Variants in SLC24A2 observed in about 807,000 individuals in gnomAD.
SLC24A2 encodes sodium/potassium/calcium exchanger 2.
Under a neutral mutation model 62.0 loss-of-function variants are expected in SLC24A2, and 36 were observed. That is an observed-to-expected ratio of 0.58 (90% CI 0.44 to 0.77). SLC24A2 has a LOEUF of 0.77. SLC24A2 is among the 30% of genes least tolerant of loss of function. The pLI is 0.00. For synonymous variants in SLC24A2, 358 were observed against 294.0 expected, an observed-to-expected ratio of 1.22 and a Z score of -2.23; for missense variants, 846 against 817.9, an observed-to-expected ratio of 1.03 and a Z score of -0.42.
chr9:20,068,091 T>G, the SLC24A2 span, among the ~76,000 whole-genome samples: 1 of 132,482 alleles, frequency 7.5e-6, no homozygotes, highest in African/African-American at 3.0e-5. Context: ...GGAGACGGAG[T>G]CTCGCTCTGT....
intron 10 of SLC24A2, among the ~76,000 whole-genome samples, chr9:19,517,622 G>A (rs922549614): frequency 6.6e-6 from 1 of 152,124 alleles, no homozygotes; most frequent in Admixed American, 6.5e-5. Flanking sequence ...CTGCCTTGTG[G>A]GGATCAATAC....
At chr9:19,857,208 G>A in the SLC24A2 span, among the ~76,000 whole-genome samples, 2 of 152,122 alleles carry the variant, frequency 1.3e-5, no homozygotes, top group Non-Finnish European at 2.9e-5. Flanking sequence ...TCCTTGGTTT[G>A]TGTCCACTTC....
chr9:19,721,749 C>T (rs1195863771), intron 2 of SLC24A2, among the ~76,000 whole-genome samples: 5 of 152,152 alleles, frequency 3.3e-5, no homozygotes, highest in Admixed American at 6.5e-5. Flanking sequence ...CATTCCAACA[C>T]ATAACAGCCT....
intron 7 of SLC24A2, among the ~76,000 whole-genome samples, chr9:19,570,504 G>A (rs921490963): frequency 2.6e-5 from 4 of 151,956 alleles, no homozygotes; most frequent in Non-Finnish European, 4.4e-5. Context: ...TAACACAAAC[G>A]TTCACTCATT....
chr9:19,729,822 T>A (rs1052292204), intron 2 of SLC24A2, among the ~76,000 whole-genome samples: 5 of 152,080 alleles, frequency 3.3e-5, no homozygotes, highest in African/African-American at 1.2e-4. Flanking sequence ...AGAATGCCTA[T>A]AGTTAAAAAT....
chr9:19,715,035 C>G (rs1235249341), intron 2 of SLC24A2, among the ~76,000 whole-genome samples: 1 of 151,904 alleles, frequency 6.6e-6, no homozygotes. Flanking sequence ...AACCTTTCCC[C>G]CTAACTCCAT....
At position 19,599,248 on chromosome 9, in the gene SLC24A2, C is replaced by T. The variant is rs1180618522; in HGVS notation, c.1079-1969G>A. ...TAGTTGGAATTGGAACTGTTCATAT[C>T]GGACAAAGCTCACACATTCTCGACA... On this transcript the variant is annotated intron_variant, in intron 4 of 10. Transcript: ENST00000341998. This position sits in a 1 kb window ranked among gnomAD's most constrained non-coding sequence, Gnocchi z 4.5. Among the ~76,000 whole-genome samples the T allele has an allele frequency of 2.6e-5, 4 of 152,144 alleles. No homozygotes were observed. The highest frequency in any genetic ancestry group is 9.7e-5 in the African/African-American group (4 of 41,428).
the SLC24A2 span, among the ~76,000 whole-genome samples, chr9:19,942,943 T>C: frequency 6.6e-6 from 1 of 152,194 alleles, no homozygotes; most frequent in African/African-American, 2.4e-5. Flanking sequence ...CGAATGAACA[T>C]TCTAGAGAAA....
chr9:20,098,554 C>T, the SLC24A2 span, among the ~76,000 whole-genome samples: 1 of 152,214 alleles, frequency 6.6e-6, no homozygotes, highest in Non-Finnish European at 1.5e-5. Context: ...ATGCTCCAAA[C>T]ATAAGAAACT....
chr9:19,757,006 C>A (rs1231943682), intron 2 of SLC24A2, among the ~76,000 whole-genome samples: 1 of 146,990 alleles, frequency 6.8e-6, no homozygotes, highest in Non-Finnish European at 1.5e-5. Flanking sequence ...AACTCCTGGG[C>A]TCAGGCAATC....
At chr9:19,563,839 TCCC>T (rs1835536958) in intron 7 of SLC24A2, among the ~76,000 whole-genome samples, 2 of 78,680 alleles carry the variant, frequency 2.5e-5, no homozygotes, top group African/African-American at 5.3e-5. Context: ...CCTCCCTCCC[TCCC>T]TCCCTCCCTC....
At chr9:19,958,353 C>A in the SLC24A2 span, among the ~76,000 whole-genome samples, 1 of 152,318 alleles carries the variant, frequency 6.6e-6, no homozygotes, top group Admixed American at 6.5e-5. Flanking sequence ...CACCACCCAG[C>A]TGTTGCAAAT....
chr9:19,988,580 G>A, the SLC24A2 span, among the ~76,000 whole-genome samples: 1 of 152,176 alleles, frequency 6.6e-6, no homozygotes, highest in African/African-American at 2.4e-5. Flanking sequence ...GCTTGGCTAA[G>A]AATTAGACAA....
At chr9:19,523,156 T>C (rs1312561238) in intron 9 of SLC24A2, among the ~76,000 whole-genome samples, 2 of 152,160 alleles carry the variant, frequency 1.3e-5, no homozygotes, top group African/African-American at 4.8e-5. Flanking sequence ...GTCCCCGAAA[T>C]ATAAACAAAA....
At chr9:19,832,102 A>G in the SLC24A2 span, among the ~76,000 whole-genome samples, 1 of 152,234 alleles carries the variant, frequency 6.6e-6, no homozygotes, top group African/African-American at 2.4e-5. Flanking sequence ...TTCCAGAGCC[A>G]TGAAATGCCA....
At chr9:20,076,861 G>GTA in the SLC24A2 span, among the ~76,000 whole-genome samples, 39,506 of 105,328 alleles carry the variant, frequency 0.38, 5,779 homozygotes, top group Middle Eastern at 0.47. Flanking sequence ...CATATCATAT[G>GTA]TATATATATA....
the SLC24A2 span, among the ~76,000 whole-genome samples, chr9:19,897,073 T>G: frequency 6.6e-6 from 1 of 152,208 alleles, no homozygotes; most frequent in African/African-American, 2.4e-5. Flanking sequence ...TCAAGCCTTC[T>G]TCATAGTAAT....
chr9:19,948,719 C>T, the SLC24A2 span, among the ~76,000 whole-genome samples: 1 of 151,098 alleles, frequency 6.6e-6, no homozygotes, highest in Non-Finnish European at 1.5e-5. Flanking sequence ...GTGGCGGGCG[C>T]CTGTAGTCCC....
intron 2 of SLC24A2, among the ~76,000 whole-genome samples, chr9:19,731,880 C>G (rs1821348997): frequency 6.6e-6 from 1 of 152,154 alleles, no homozygotes; most frequent in East Asian, 1.9e-4. Flanking sequence ...CTCACTTTGC[C>G]TGGCAGCGTA....
Sources: allele counts gnomAD v4.1 joint callset (sites outside exome capture counted in the v4.1 genomes callset), GRCh38; gene constraint gnomAD v4.1.1; non-coding constraint Gnocchi (gnomAD v3.1); transcripts MANE v1.5; gene names NCBI Gene and HGNC (gene_info 2026-07-23, HGNC 2026-07-21).